The following ZMAT4 variants were observed in gnomAD, a reference collection of about 807,000 sequenced individuals.
The protein encoded by ZMAT4 is zinc finger matrin-type protein 4.
In ZMAT4, 17 loss-of-function variants were observed where a neutral mutation model predicts 28.7. The ratio of observed to expected loss-of-function variants is 0.59; its 90% CI spans 0.41 to 0.89. The LOEUF (loss-of-function observed/expected upper bound fraction) is 0.89, where lower values mean the gene tolerates loss of function less well. Among genes scored for constraint, ZMAT4 ranks in the 40% least tolerant of loss-of-function variants. The pLI is 0.00. For missense variants in ZMAT4, 240 were observed against 283.8 expected (o/e 0.85, Z 1.11); for synonymous variants, 117 against 109.2 (o/e 1.07, Z -0.44).
intron 2 of ZMAT4, among the ~76,000 whole-genome samples, chr8:40,768,098 T>C (rs911985904): frequency 9.2e-5 from 14 of 152,324 alleles, no homozygotes; most frequent in African/African-American, 3.4e-4. Context: ...TCACTACTGC[T>C]GCCCTGCCCT....
intron 1 of ZMAT4, among the ~76,000 whole-genome samples, chr8:40,886,940 G>A (rs756690451): frequency 1.3e-5 from 2 of 152,160 alleles, no homozygotes; most frequent in Non-Finnish European, 2.9e-5. Flanking sequence ...GGGAGGCCAA[G>A]GCGGGCAGAA....
In ZMAT4 at chr8:40,781,782, A is replaced by G. The variant is rs866641132; in HGVS notation, c.103-14052T>C. On this transcript the variant is annotated intron_variant, in intron 2 of 6. Transcript: ENST00000297737. ...GTCTCAAAAAAAAAAAAAAAAAAAA[A>G]AAAAAAAAAGAAAAGAATCCATAAA... Among the ~76,000 whole-genome samples, 884 of 149,134 alleles carry G rather than the reference A, an allele frequency of 5.9e-3. 20 individuals carry two copies. The highest frequency in any genetic ancestry group is 0.021 in the African/African-American group (845 of 40,896).
intron 5 of ZMAT4, among the ~76,000 whole-genome samples, chr8:40,659,021 C>A (rs1241781047): frequency 2.6e-5 from 4 of 152,046 alleles, no homozygotes; most frequent in South Asian, 2.1e-4. Flanking sequence ...AGAAATGGAT[C>A]CCCAAGACGT....
chr8:40,858,540 G>C (rs1288693220), intron 1 of ZMAT4, among the ~76,000 whole-genome samples: 2 of 152,162 alleles, frequency 1.3e-5, no homozygotes, highest in Admixed American at 1.3e-4. Flanking sequence ...TGCTACACTG[G>C]CTGAGAAGAT....
intron 2 of ZMAT4, among the ~76,000 whole-genome samples, chr8:40,821,495 T>C (rs1815828185): frequency 6.6e-6 from 1 of 152,130 alleles, no homozygotes; most frequent in African/African-American, 2.4e-5. Context: ...GAGGACTTCA[T>C]ATGCAAAAAT....
rs972539507 is a variant in ZMAT4 at position 40,619,895 on chromosome 8, T to A, written c.578-38634A>T. Among the ~76,000 whole-genome samples the A allele has an allele frequency of 2.6e-5, 4 of 152,268 alleles. No homozygotes were observed. The South Asian group carries it at 8.3e-4, about 32-fold the overall frequency. On this transcript the variant is annotated intron_variant, in intron 5 of 6. Coordinates refer to ENST00000297737, the MANE Select transcript of ZMAT4 (RefSeq NM_024645.3). ...TGCATGCCCTTTAACTGTGGGTCAA[T>A]AATGTCTTTTTCAGACTTAAAGCAC...
chr8:40,872,420 C>T (rs1157719287), intron 1 of ZMAT4, among the ~76,000 whole-genome samples: 1 of 152,138 alleles, frequency 6.6e-6, no homozygotes, highest in African/African-American at 2.4e-5. Context: ...CCCTGTAGGC[C>T]TCGGGGGCCC....
chr8:40,686,352 C>T (rs781185843), intron 4 of ZMAT4, among the ~76,000 whole-genome samples: 2 of 151,940 alleles, frequency 1.3e-5, no homozygotes, highest in Non-Finnish European at 2.9e-5. Flanking sequence ...GCACCCCCAG[C>T]TAATTGGGAG....
intron 2 of ZMAT4, among the ~76,000 whole-genome samples, chr8:40,771,115 G>A (rs771047930): frequency 6.6e-5 from 10 of 151,992 alleles, no homozygotes; most frequent in Non-Finnish European, 1.5e-4. Flanking sequence ...GCCGTGGCAT[G>A]CCCTGTGTTA....
chr8:40,837,802 G>A (rs538495349), intron 1 of ZMAT4, among the ~76,000 whole-genome samples: 77 of 152,352 alleles, frequency 5.1e-4, no homozygotes, highest in Middle Eastern at 6.8e-3. Flanking sequence ...GACAAGGCGT[G>A]TGTCCTGGTA....
intron 1 of ZMAT4, among the ~76,000 whole-genome samples, chr8:40,872,761 G>T (rs923402271): frequency 2.0e-5 from 3 of 152,126 alleles, no homozygotes; most frequent in Non-Finnish European, 2.9e-5. Context: ...GAACTCGGGG[G>T]GATGGTTGAT....
chr8:40,562,935 T>A (rs1803795831), intron 6 of ZMAT4, among the ~76,000 whole-genome samples: 1 of 152,204 alleles, frequency 6.6e-6, no homozygotes, highest in African/African-American at 2.4e-5. Context: ...TGCACACATG[T>A]GTGCAGTGTA....
chr8:40,716,166 T>C (rs1034787849), intron 3 of ZMAT4, among the ~76,000 whole-genome samples: 9 of 152,334 alleles, frequency 5.9e-5, no homozygotes, highest in South Asian at 4.1e-4. Context: ...GTATTCATGA[T>C]ACGCAGAAAA....
At chr8:40,828,084 C>T (rs181203941) in intron 1 of ZMAT4, among the ~76,000 whole-genome samples, 12 of 152,296 alleles carry the variant, frequency 7.9e-5, no homozygotes, top group Admixed American at 3.3e-4. Flanking sequence ...TGCGGGCACT[C>T]CGGAGATGGT....
intron 2 of ZMAT4, among the ~76,000 whole-genome samples, chr8:40,770,572 G>GTTTTCTT: frequency 8.7e-6 from 1 of 114,836 alleles, no homozygotes; most frequent in Non-Finnish European, 1.7e-5. Flanking sequence ...TTTTGTGACA[G>GTTTTCTT]AGTCTCGTTC....
At chr8:40,566,359 A>C (rs1473634591) in intron 6 of ZMAT4, among the ~76,000 whole-genome samples, 1 of 152,184 alleles carries the variant, frequency 6.6e-6, no homozygotes, top group East Asian at 1.9e-4. Flanking sequence ...AGCATTGCCC[A>C]GATCTTTTTT....
chr8:40,884,947 C>T lies in ZMAT4; in HGVS notation c.-5+12736G>A, dbSNP rs1818404455. ...CTGCAAAGCCTAAAATATCTACTAT[C>T]TGGCTCTTTAAGAAAGAGTTTGCAA... On this transcript the variant is annotated intron_variant, in intron 1 of 6. Coordinates refer to ENST00000297737, the MANE Select transcript of ZMAT4 (RefSeq NM_024645.3). The T allele has an allele frequency of 2.0e-5, 3 of 152,226 alleles. No homozygotes were observed. The South Asian group carries it at 6.2e-4, about 31-fold the overall frequency. 9.4% of individuals were successfully genotyped at this position (152,226 alleles called of 1,614,324 possible). A position where few individuals can be genotyped will look rare whatever the true frequency, so the allele number is the denominator to read the frequency against.
intron 6 of ZMAT4, among the ~76,000 whole-genome samples, chr8:40,554,512 A>C (rs1195868696): frequency 6.6e-6 from 1 of 152,150 alleles, no homozygotes; most frequent in Non-Finnish European, 1.5e-5. Flanking sequence ...TGTGGAAATC[A>C]AGCAAAAACC....
intron 3 of ZMAT4, among the ~76,000 whole-genome samples, chr8:40,726,661 A>G (rs1334536388): frequency 6.6e-6 from 1 of 152,214 alleles, no homozygotes; most frequent in African/African-American, 2.4e-5. Flanking sequence ...ACACAAACCT[A>G]GCCCACTGCC....
Sources: gnomAD v4.1 joint callset for allele counts (sites outside exome capture counted in the v4.1 genomes callset) on GRCh38, gnomAD v4.1.1 for gene constraint, MANE v1.5 for transcripts, NCBI Gene and HGNC (gene_info 2026-07-23, HGNC 2026-07-21) for gene names.